The following SYMPK variants were observed in gnomAD, a reference collection of about 807,000 sequenced individuals.
SYMPK encodes the protein symplekin scaffold protein.
Under a neutral mutation model 136.4 loss-of-function variants are expected in SYMPK, and 49 were observed. The observed-to-expected ratio is 0.36, with a 90% CI of 0.29 to 0.46. The LOEUF (loss-of-function observed/expected upper bound fraction) is 0.46, where lower values mean the gene tolerates loss of function less well. SYMPK is among the 20% of genes least tolerant of loss of function. The pLI, the probability that SYMPK is intolerant of heterozygous loss-of-function variation, is 1.00. For synonymous variants in SYMPK, 766 were observed against 713.0 expected (o/e 1.07, Z -1.19); for missense variants, 1,365 against 1,690.0 (o/e 0.81, Z 3.37).
intron 11 of SYMPK, among the ~76,000 whole-genome samples, chr19:45,832,646 A>G (rs910565405): frequency 6.6e-6 from 1 of 152,166 alleles, no homozygotes. Context: ...TTGTATATTC[A>G]TATGACAGAA....
At chr19:45,831,621 C>A in intron 11 of SYMPK, 33 bp from the exon 12 acceptor site, 2 of 1,531,520 alleles carry the variant, frequency 1.3e-6, no homozygotes. Context: ...ACACCCAGTG[C>A]GTCAGACCCA....
intron 22 of SYMPK, chr19:45,820,841 A>C (rs994411593): frequency 4.6e-6 from 2 of 438,244 alleles, no homozygotes; most frequent in Non-Finnish European, 8.1e-6. Flanking sequence ...CATACCCACC[A>C]AGTGGCGGAC....
At chr19:45,841,663 A>G (rs1971440145) in intron 9 of SYMPK, among the ~76,000 whole-genome samples, 1 of 152,206 alleles carries the variant, frequency 6.6e-6, no homozygotes, top group Non-Finnish European at 1.5e-5. Flanking sequence ...GTGATTTAAG[A>G]AAAAAATCTT....
intron 1 of SYMPK, among the ~76,000 whole-genome samples, chr19:45,862,829 G>T (rs1002368348): frequency 2.0e-5 from 3 of 152,230 alleles, no homozygotes; most frequent in Admixed American, 2.0e-4. Context: ...CAAAGAGGCC[G>T]AGTCGAAGCA....
chr19:45,848,490 C>T (rs1034558440), intron 6 of SYMPK, among the ~76,000 whole-genome samples: 2 of 152,148 alleles, frequency 1.3e-5, no homozygotes, highest in African/African-American at 4.8e-5. Flanking sequence ...CATCACCTAG[C>T]CCAGGGCTAA....
intron 16 of SYMPK, among the ~76,000 whole-genome samples, chr19:45,827,020 C>T (rs1971056226): frequency 6.6e-6 from 1 of 152,182 alleles, no homozygotes. Context: ...TTCCTTGAAA[C>T]ACCTCCCCTG....
intron 1 of SYMPK, among the ~76,000 whole-genome samples, chr19:45,858,508 T>C (rs890462227): frequency 2.6e-5 from 4 of 152,158 alleles, no homozygotes; most frequent in South Asian, 4.1e-4. Context: ...AGGTCTTCCC[T>C]GACGACTATG....
intron 8 of SYMPK, chr19:45,843,004 A>C: frequency 1.3e-5 from 2 of 153,884 alleles, no homozygotes; most frequent in Admixed American, 6.4e-5. Flanking sequence ...GTTAAGGGAG[A>C]CCCCCCTTCT....
Position 45,815,457 on chromosome 19 carries a change from C to T in SYMPK, c.*103G>A, listed in dbSNP as rs1339924736. ...TTCTTTTCAGTAACTTGCCCAAGTT[C>T]ACATCTTTTATTTCTTTTTAAGGCA... is the stretch of plus-strand genomic sequence containing the variant. On this transcript the variant is annotated 3_prime_UTR_variant, in exon 27 of 27. Coordinates refer to ENST00000245934, the MANE Select transcript of SYMPK (RefSeq NM_004819.3). The T allele has an allele frequency of 3.4e-6, 4 of 1,168,532 alleles. No individual in the cohort carries two copies. Among genetic ancestry groups the T allele is most frequent in the Non-Finnish European group, 4.7e-6 (4 of 860,154 alleles). 72.4% of individuals were successfully genotyped at this position (1,168,532 alleles called of 1,614,324 possible).
chr19:45,827,490 G>A lies in SYMPK; in HGVS notation c.2181+20C>T, dbSNP rs773419355. ...CAAGCTGCAGGCTGAGGGCAGCCAG[G>A]AAGTGGAGGAGGGGATCACCTTGTC... On this transcript the variant is annotated intron_variant, in intron 16 of 26. Coordinates refer to ENST00000245934, the MANE Select transcript of SYMPK (RefSeq NM_004819.3). The A allele has an allele frequency of 1.3e-6, 2 of 1,592,288 alleles. No homozygotes were observed. The highest frequency in any genetic ancestry group is 1.1e-5 in the South Asian group (1 of 90,538).
chr19:45,862,034 CAAA>C (rs34763252), intron 1 of SYMPK: 17 of 118,972 alleles, frequency 1.4e-4, no homozygotes, highest in Admixed American at 1.7e-4. Flanking sequence ...GACCCTGTCT[CAAA>C]AAAAAAAAAA....
At position 45,844,151 on chromosome 19, in the gene SYMPK, G is replaced by T; in HGVS notation, c.726C>A (p.Phe242Leu). 6.2e-7 allele frequency: 1 copy of T among 1,612,048 alleles called. No homozygotes were observed. The highest frequency in any genetic ancestry group is 8.5e-7 in the Non-Finnish European group (1 of 1,179,170). The change falls in exon 8 of 27, where the codon TTC (phenylalanine) becomes TTA (leucine). Residue 242 changes from phenylalanine to leucine, a missense_variant. Transcript: ENST00000245934. ...TGGAGGAGATGGCAGGGTGCACCAT[G>T]AACTTAAGCAGCTGCTCCAAGGCTG... is the stretch of plus-strand genomic sequence containing the variant. ...GKAALEQLLKFMVHPAISSIN... is the reference protein window; with the variant it reads ...GKAALEQLLKLMVHPAISSIN...
At chr19:45,827,329 C>T (rs1259145986) in intron 16 of SYMPK, among the ~76,000 whole-genome samples, 181 bp downstream of exon 16, 1 of 148,352 alleles carries the variant, frequency 6.7e-6, no homozygotes, top group African/African-American at 2.5e-5. Flanking sequence ...TTCTAGGCAG[C>T]TTGATGCCAC....
chr19:45,831,391 G>T lies in SYMPK; in HGVS notation c.1591C>A (p.Gln531Lys). The T allele has an allele frequency of 6.4e-7, 1 of 1,567,660 alleles. No individual in the cohort carries two copies. Among genetic ancestry groups the T allele is most frequent in the Admixed American group, 1.8e-5 (1 of 54,092 alleles). Reference protein sequence around the residue: ...RRPEPIIPVTQPRLAGAGGRK... With the variant: ...RRPEPIIPVTKPRLAGAGGRK... ...ACCCAGAAGAGGACTCACCGGGGCTGAGTGACAGGGATAATGGGCTCTGGC... is the reference window on the plus strand; with the variant it reads ...ACCCAGAAGAGGACTCACCGGGGCTTAGTGACAGGGATAATGGGCTCTGGC... The change falls in exon 12 of 27, where the codon CAG (glutamine) becomes AAG (lysine). Residue 531 changes from glutamine to lysine, a missense_variant. Around this residue, in one of 11 missense-constraint regions of SYMPK, gnomAD observed 303 missense variants for 326.6 expected, o/e 0.93. Transcript: ENST00000245934.
At chr19:45,833,398 A>G (rs1246821097) in intron 11 of SYMPK, among the ~76,000 whole-genome samples, 2 of 151,892 alleles carry the variant, frequency 1.3e-5, no homozygotes, top group East Asian at 1.9e-4. Flanking sequence ...TCAGGAGATC[A>G]AGACCAACCT....
At chr19:45,820,844 T>C (rs1970872048) in intron 22 of SYMPK, 1 of 444,008 alleles carries the variant, frequency 2.3e-6, no homozygotes. Context: ...ACCCACCAAG[T>C]GGCGGACCAG....
chr19:45,842,842 C>T lies in SYMPK; in HGVS notation c.848-353G>A, dbSNP rs189570530. The T allele has an allele frequency of 5.9e-5, 15 of 255,446 alleles. No individual in the cohort carries two copies. The Admixed American group carries it at 6.2e-4, about 11-fold the overall frequency. 15.8% of individuals were successfully genotyped at this position (255,446 alleles called of 1,614,324 possible). On this transcript the variant is annotated intron_variant, in intron 8 of 26. Coordinates refer to ENST00000245934, the MANE Select transcript of SYMPK (RefSeq NM_004819.3). ...ACCCCCAACTGAACTGCTGCAACAG[C>T]TCACTGCTAGTCTCCCTGACGCCAG...
intron 5 of SYMPK, among the ~76,000 whole-genome samples, chr19:45,851,302 G>T (rs1268502954): frequency 6.6e-6 from 1 of 152,176 alleles, no homozygotes; most frequent in Non-Finnish European, 1.5e-5. Context: ...TTTGCTGGGC[G>T]TCGTGGCTCA....
At position 45,838,476 on chromosome 19, in the gene SYMPK, A is replaced by G. The variant is rs1481108491; in HGVS notation, c.1227T>C (p.Asp409=). Residue 409 remains aspartate (D), a synonymous_variant, in exon 10 of 27, where the codon GAT becomes GAC. Coordinates refer to ENST00000245934, the MANE Select transcript of SYMPK (RefSeq NM_004819.3). ...CCATCCTCACCAGATTAGCCACATT[A>G]TCAGGCGTCAGCAGAGGCTGCAGGA... The part of the protein sequence containing the change: ...AEFLQPLLTP[D]NVANLVLISM... 1 of 1,613,652 alleles carries G rather than the reference A, an allele frequency of 6.2e-7. No individual in the cohort carries two copies. Among genetic ancestry groups the G allele is most frequent in the African/African-American group, 1.3e-5 (1 of 75,018 alleles).
Sources: allele counts gnomAD v4.1 joint callset (sites outside exome capture counted in the v4.1 genomes callset), GRCh38; gene constraint gnomAD v4.1.1; regional missense constraint gnomAD v4.1.1; transcripts MANE v1.5; gene names NCBI Gene and HGNC (gene_info 2026-07-23, HGNC 2026-07-21).